The following CATIP variants were observed in gnomAD, a reference collection of about 807,000 sequenced individuals.
The protein encoded by CATIP is ciliogenesis associated TTC17 interacting protein, also known as ciliogenesis-associated TTC17-interacting protein.
Under a neutral mutation model 42.5 loss-of-function variants are expected in CATIP, and 40 were observed. The observed-to-expected ratio is 0.94, with a 90% CI of 0.73 to 1.22. CATIP has a LOEUF of 1.22. Among genes scored for constraint, CATIP ranks in the 50% most tolerant of loss-of-function variants. The probability of loss-of-function intolerance (pLI) is 0.00; values close to 1 mark genes in which losing one functional copy is unlikely to be tolerated. For synonymous variants in CATIP, 222 were observed against 200.2 expected (o/e 1.11, Z -0.92); for missense variants, 489 against 496.0 (o/e 0.99, Z 0.13).
At position 218,357,824 on chromosome 2, in the gene CATIP, C is replaced by T. The variant is rs976407472; in HGVS notation, c.319+90C>T. The T allele has an allele frequency of 6.3e-6, 9 of 1,430,154 alleles. No individual in the cohort carries two copies. In the African/African-American group the frequency reaches 9.8e-5, roughly 16 times the overall value. 88.6% of individuals were successfully genotyped at this position (1,430,154 alleles called of 1,614,324 possible). ...CCTAGAATCTTTTTTCAGGACCAAGCCCTTGGCTTTGCCTTGGACCAGGAC... is the reference window on the plus strand; with the variant it reads ...CCTAGAATCTTTTTTCAGGACCAAGTCCTTGGCTTTGCCTTGGACCAGGAC... On this transcript the variant is annotated intron_variant, in intron 3 of 9. Coordinates refer to ENST00000289388, the MANE Select transcript of CATIP (RefSeq NM_198559.2).
At chr2:218,357,218 G>C in intron 2 of CATIP, 31 bp downstream of exon 2, 2 of 1,547,620 alleles carry the variant, frequency 1.3e-6, no homozygotes, top group East Asian at 2.3e-5. Flanking sequence ...GGTTGGGGGT[G>C]CGGGAGGGGT....
intron 6 of CATIP, 131 bp from the exon 7 acceptor site, chr2:218,364,497 G>A: frequency 7.4e-7 from 1 of 1,343,392 alleles, no homozygotes; most frequent in Non-Finnish European, 1.0e-6. Flanking sequence ...AACTCAGCTT[G>A]GAGGTTTGGA....
chr2:218,366,097 G>A (rs1303981950), intron 7 of CATIP: 2 of 151,916 alleles, frequency 1.3e-5, no homozygotes, highest in Non-Finnish European at 2.9e-5. Context: ...TAACAGGCGT[G>A]AGCCACTACA....
Position 218,364,068 on chromosome 2 carries a change from T to C in CATIP, c.631-560T>C, listed in dbSNP as rs185350997. Among the ~76,000 whole-genome samples the C allele has an allele frequency of 2.5e-3, 374 of 152,356 alleles. 1 individual carries two copies. Among genetic ancestry groups the C allele is most frequent in the African/African-American group, 8.0e-3 (331 of 41,582 alleles). ...ATTTGTGTTTCTTTGACCATCTTTG[T>C]AAATTACATTCCAGGCTTGTCTATC... is the stretch of plus-strand genomic sequence containing the variant. On this transcript the variant is annotated intron_variant, in intron 6 of 9. Transcript: ENST00000289388.
rs760844228 is a variant in CATIP at position 218,364,657 on chromosome 2, A to G, written c.660A>G (p.Val220=). Residue 220 remains valine, a synonymous_variant, in exon 7 of 10, where the codon GTA becomes GTG. Transcript: ENST00000289388. ...ACCTGGGCTTCCAGACCATCCAGGT[A>G]GACCATCAGCAGGCTGAAGTCTTCA... ...YQNLGFQTIQ[V]DHQQAEVFIV... 6.2e-7 allele frequency: 1 copy of G among 1,614,066 alleles called. No individual in the cohort carries two copies. The highest frequency in any genetic ancestry group is 8.5e-7 in the Non-Finnish European group (1 of 1,179,958).
Position 218,362,909 on chromosome 2 carries a change from G to A in CATIP, c.630+7G>A. 1 of 1,607,554 alleles carries A rather than the reference G, an allele frequency of 6.2e-7. No homozygotes were observed. Among genetic ancestry groups the A allele is most frequent in the South Asian group, 1.1e-5 (1 of 90,838 alleles). On this transcript the variant is annotated splice_region_variant and intron_variant, in intron 6 of 9. Coordinates refer to ENST00000289388, the MANE Select transcript of CATIP (RefSeq NM_198559.2). ...ACTCTGCTATTTGACCTATGTAAGG[G>A]GTCCCCTTGGGCAGGGGACTTGGCT...
At position 218,356,892 on chromosome 2, in the gene CATIP, C is replaced by G. The variant is rs763567737; in HGVS notation, c.8C>G (p.Ser3Cys). The G allele has an allele frequency of 6.2e-7, 1 of 1,614,100 alleles. No individual in the cohort carries two copies. MSSKVYSTGSRAK... is the reference protein window; with the variant it reads MSCKVYSTGSRAK... Reference sequence around the variant, plus strand: ...TAGAGGCAGGCCCACAGCATGTCCTCCAAGGTTTACTCCACAGGTGGGAAG... The same window carrying G: ...TAGAGGCAGGCCCACAGCATGTCCTGCAAGGTTTACTCCACAGGTGGGAAG... Residue 3 changes from serine (S) to cysteine (C), a missense_variant, in exon 1 of 10, where the codon TCC (serine) becomes TGC (cysteine). Transcript: ENST00000289388.
At chr2:218,360,136 G>T (rs543019360) in intron 4 of CATIP, among the ~76,000 whole-genome samples, 6 of 125,010 alleles carry the variant, frequency 4.8e-5, no homozygotes, top group South Asian at 2.4e-4. Context: ...CTGCTGCTTG[G>T]TTTTTTGTTT....
chr2:218,362,389 C>CAACACTTT (rs1340020999), intron 5 of CATIP, among the ~76,000 whole-genome samples: 1 of 151,174 alleles, frequency 6.6e-6, no homozygotes, highest in Admixed American at 6.6e-5. Flanking sequence ...CCTGTAATCC[C>CAACACTTT]AACACTTTGG....
At chr2:218,363,023 C>A in intron 6 of CATIP, 121 bp downstream of exon 6, 2 of 963,662 alleles carry the variant, frequency 2.1e-6, no homozygotes, top group Non-Finnish European at 3.0e-6. Flanking sequence ...GAAAACAGCA[C>A]AGGTGGGAAT....
chr2:218,358,104 G>A lies in CATIP; in HGVS notation c.375+12G>A. The A allele has an allele frequency of 6.2e-7, 1 of 1,612,244 alleles. No individual in the cohort carries two copies. Among genetic ancestry groups the A allele is most frequent in the South Asian group, 1.1e-5 (1 of 90,914 alleles). ...AAGACTTCATCAAGGTACTTCCCAG[G>A]GCCCCAGCCTTGACCCAATCCAGGG... On this transcript the variant is annotated intron_variant, in intron 4 of 9. Coordinates refer to ENST00000289388, the MANE Select transcript of CATIP (RefSeq NM_198559.2).
At chr2:218,358,747 G>C (rs1453929785) in intron 4 of CATIP, among the ~76,000 whole-genome samples, 1 of 151,874 alleles carries the variant, frequency 6.6e-6, no homozygotes, top group African/African-American at 2.4e-5. Flanking sequence ...AGCTGGGTGT[G>C]GTAATGTGTG....
intron 5 of CATIP, among the ~76,000 whole-genome samples, chr2:218,362,019 G>GAAA (rs11380257): frequency 3.8e-4 from 55 of 145,944 alleles, no homozygotes; most frequent in African/African-American, 1.3e-3. Flanking sequence ...CCAGAAAAAG[G>GAAA]AAAAAAAAAA....
At chr2:218,360,715 G>C (rs1695203988) in intron 5 of CATIP, 56 bp downstream of exon 5, 1 of 1,328,006 alleles carries the variant, frequency 7.5e-7, no homozygotes, top group South Asian at 1.2e-5. Flanking sequence ...CAGAATATCT[G>C]AGACAGGTCC....
At chr2:218,357,905 A>G in intron 3 of CATIP, 132 bp from the exon 4 acceptor site, 2 of 1,059,444 alleles carry the variant, frequency 1.9e-6, no homozygotes, top group East Asian at 4.8e-5. Flanking sequence ...GGATGAGGGC[A>G]CATCTTACCC....
chr2:218,357,218 G>A (rs1695049231), intron 2 of CATIP, 31 bp downstream of exon 2: 1 of 1,547,620 alleles, frequency 6.5e-7, no homozygotes, highest in South Asian at 1.1e-5. Flanking sequence ...GGTTGGGGGT[G>A]CGGGAGGGGT....
chr2:218,363,192 C>T (rs1695295498), intron 6 of CATIP, among the ~76,000 whole-genome samples: 1 of 152,040 alleles, frequency 6.6e-6, no homozygotes, highest in South Asian at 2.1e-4. Flanking sequence ...AAAAATACAT[C>T]ATTTTGGGCC....
In CATIP at chr2:218,360,555, G is replaced by T. The variant is rs766873327; in HGVS notation, c.376-18G>T. ...CCCAGGGAGTCCCTGATCCTCCCCCGCATGCTCTGGCCCTCAGTTCCTCAT... is the reference window on the plus strand; with the variant it reads ...CCCAGGGAGTCCCTGATCCTCCCCCTCATGCTCTGGCCCTCAGTTCCTCAT... On this transcript the variant is annotated intron_variant, in intron 4 of 9. Transcript: ENST00000289388. 1.0e-5 allele frequency: 16 copies of T among 1,604,722 alleles called. No individual in the cohort carries two copies. The South Asian group carries it at 1.2e-4, about 12-fold the overall frequency.
chr2:218,357,294 T>A, intron 2 of CATIP, 107 bp downstream of exon 2: 1 of 798,420 alleles, frequency 1.3e-6, no homozygotes, highest in Non-Finnish European at 2.0e-6. Flanking sequence ...TCTCTCTTCC[T>A]TGATTCTCCT....
Sources: gnomAD v4.1 joint callset for allele counts (sites outside exome capture counted in the v4.1 genomes callset) on GRCh38, gnomAD v4.1.1 for gene constraint, MANE v1.5 for transcripts, NCBI Gene and HGNC (gene_info 2026-07-23, HGNC 2026-07-21) for gene names.